AQP8: variants seen among roughly 807,000 people sequenced by gnomAD.
The protein encoded by AQP8 is aquaporin 8.
AQP8 carries 14 observed loss-of-function variants against 26.1 expected under a neutral mutation model. That is an observed-to-expected ratio of 0.54 (90% CI 0.35 to 0.84). The LOEUF (loss-of-function observed/expected upper bound fraction) is 0.84, where lower values mean the gene tolerates loss of function less well. Among genes scored for constraint, AQP8 ranks in the 40% least tolerant of loss-of-function variants. The pLI is 0.01. For synonymous variants in AQP8, 131 were observed against 150.7 expected (o/e 0.87, Z 0.96); for missense variants, 301 against 340.5 (o/e 0.88, Z 0.91).
chr16:25,221,586 G>A lies in AQP8; in HGVS notation c.387+3G>A. On this transcript the variant is annotated splice_donor_region_variant and intron_variant, in intron 3 of 5. Transcript: ENST00000219660. Reference sequence around the variant, plus strand: ...TGCTCGGGGCTGCCTTGGCCAAGGTGGGTAAACCCCAGGGGCTGGGCTAGT... The same window carrying A: ...TGCTCGGGGCTGCCTTGGCCAAGGTAGGTAAACCCCAGGGGCTGGGCTAGT... The A allele has an allele frequency of 6.2e-7, 1 of 1,613,804 alleles. No homozygotes were observed. The highest frequency in any genetic ancestry group is 1.1e-5 in the South Asian group (1 of 91,048).
intron 5 of AQP8, 113 bp downstream of exon 5, chr16:25,227,315 G>A (rs1962649370): frequency 4.2e-6 from 6 of 1,423,562 alleles, no homozygotes; most frequent in Admixed American, 2.1e-5. Flanking sequence ...GAGAAAAGAG[G>A]GAGCCTCTTT....
chr16:25,218,161 G>A (rs930972351), intron 2 of AQP8, among the ~76,000 whole-genome samples: 4 of 152,228 alleles, frequency 2.6e-5, no homozygotes, highest in Admixed American at 2.6e-4. Context: ...AGAATTAAAT[G>A]AAGTAGAGCG....
At chr16:25,219,108 A>G (rs929851423) in intron 2 of AQP8, among the ~76,000 whole-genome samples, 5 of 151,352 alleles carry the variant, frequency 3.3e-5, no homozygotes, top group African/African-American at 1.2e-4. Flanking sequence ...TTTGAATGCT[A>G]ACTACATAGA....
intron 3 of AQP8, among the ~76,000 whole-genome samples, chr16:25,223,203 C>T (rs1031469779): frequency 5.3e-5 from 8 of 152,228 alleles, no homozygotes; most frequent in Non-Finnish European, 8.8e-5. Flanking sequence ...GTAAGCAGCA[C>T]AGCCCCGACT....
Position 25,224,429 on chromosome 16 carries a change from G to A in AQP8, c.455G>A (p.Gly152Glu), listed in dbSNP as rs774706475. Residue 152 changes from glycine to glutamate, a missense_variant, in exon 4 of 6, where the codon GGG becomes GAG. Coordinates refer to ENST00000219660, the MANE Select transcript of AQP8 (RefSeq NM_001169.3). ...GAAFVTVQEQ[G>E]QVAGALVAEI... ...GCCTTTGTGACAGTCCAGGAGCAGG[G>A]GCAGGTGGCAGGGGCGTTGGTGGCA... 6 of 1,614,192 alleles carry A rather than the reference G, an allele frequency of 3.7e-6. No homozygotes were observed. The Admixed American group carries it at 1.0e-4, about 27-fold the overall frequency.
At position 25,227,112 on chromosome 16, in the gene AQP8, G is replaced by A; in HGVS notation, c.647G>A (p.Gly216Glu). The A allele has an allele frequency of 6.2e-7, 1 of 1,614,162 alleles. No individual in the cohort carries two copies. The highest frequency in any genetic ancestry group is 8.5e-7 in the Non-Finnish European group (1 of 1,180,034). Reference protein sequence around the residue: ...GGCMNPARAFGPAVVANHWNF... With the variant: ...GGCMNPARAFEPAVVANHWNF... ...TGCATGAATCCCGCCCGTGCTTTTGGACCTGCGGTGGTGGCCAACCACTGG... is the reference window on the plus strand; with the variant it reads ...TGCATGAATCCCGCCCGTGCTTTTGAACCTGCGGTGGTGGCCAACCACTGG... The change falls in exon 5 of 6, where the codon GGA becomes GAA. Residue 216 changes from glycine (G) to glutamate (E), a missense_variant. Gly to Glu is a moderately conservative substitution (Grantham distance 98). Coordinates refer to ENST00000219660, the MANE Select transcript of AQP8 (RefSeq NM_001169.3).
At chr16:25,221,235 G>A (rs1303801824) in intron 2 of AQP8, among the ~76,000 whole-genome samples, 1 of 152,158 alleles carries the variant, frequency 6.6e-6, no homozygotes, top group African/African-American at 2.4e-5. Context: ...CATCCTGGGG[G>A]CTGGGCTTTG....
chr16:25,219,346 C>T (rs2047777898), intron 2 of AQP8, among the ~76,000 whole-genome samples: 1 of 151,200 alleles, frequency 6.6e-6, no homozygotes, highest in Non-Finnish European at 1.5e-5. Flanking sequence ...TATTCAGCAC[C>T]TATTGCGTGC....
At position 25,228,334 on chromosome 16, in the gene AQP8, T is replaced by G. The variant is rs914994996; in HGVS notation, c.738-110T>G. The stretch of plus-strand genomic sequence containing the variant: ...TGCAAGGGGATCTGGCTATTAAGGC[T>G]GGGGAGGCTCAGGAAGTCATCTTTC... On this transcript the variant is annotated intron_variant, in intron 5 of 5. Transcript: ENST00000219660. The G allele has an allele frequency of 2.0e-4, 188 of 944,922 alleles. 1 individual carries two copies. The highest frequency in any genetic ancestry group is 3.0e-4 in the Non-Finnish European group (173 of 583,204). The allele number at this position is 944,922 out of a possible 1,614,324, so 58.5% of individuals were successfully genotyped here. A position where few individuals can be genotyped will look rare whatever the true frequency, so the allele number is the denominator to read the frequency against.
At chr16:25,218,753 A>G (rs1465386914) in intron 2 of AQP8, among the ~76,000 whole-genome samples, 1 of 142,998 alleles carries the variant, frequency 7.0e-6, no homozygotes, top group Non-Finnish European at 1.6e-5. Flanking sequence ...GGGGGCAGGC[A>G]CCTGTGGTCC....
At chr16:25,223,837 T>C (rs938599823) in intron 3 of AQP8, among the ~76,000 whole-genome samples, 1 of 151,942 alleles carries the variant, frequency 6.6e-6, no homozygotes, top group Non-Finnish European at 1.5e-5. Context: ...TTTCTTTTTT[T>C]TTTTTTTGAG....
At position 25,222,678 on chromosome 16, in the gene AQP8, T is replaced by TG. The variant is rs993454473; in HGVS notation, c.387+1101dup. Among the ~76,000 whole-genome samples, 16 of 150,176 alleles carry TG rather than the reference T, an allele frequency of 1.1e-4. No homozygotes were observed. The South Asian group carries it at 1.5e-3, about 14-fold the overall frequency. Reference sequence around the variant, plus strand: ...ATGTGGGCCTTGCTTGGTGTGTGTGTGGGGGGTGGTGGATGGGGGAGCTCT... The same window carrying TG: ...ATGTGGGCCTTGCTTGGTGTGTGTGTGGGGGGGTGGTGGATGGGGGAGCTCT... On this transcript the variant is annotated intron_variant, in intron 3 of 5. Coordinates refer to ENST00000219660, the MANE Select transcript of AQP8 (RefSeq NM_001169.3).
chr16:25,216,982 C>T lies in AQP8; in HGVS notation c.-64C>T, dbSNP rs2141750238. 1 of 1,609,700 alleles carries T rather than the reference C, an allele frequency of 6.2e-7. No homozygotes were observed. Among genetic ancestry groups the T allele is most frequent in the East Asian group, 2.2e-5 (1 of 44,842 alleles). On this transcript the variant is annotated 5_prime_UTR_variant, in exon 1 of 6. Coordinates refer to ENST00000219660, the MANE Select transcript of AQP8 (RefSeq NM_001169.3). ...GTCCCTAGGAGATAAGAGTATCTTG[C>T]ACAGCAGGTGCAGGTTTCCCAGCAG...
intron 3 of AQP8, among the ~76,000 whole-genome samples, chr16:25,222,179 C>T (rs1234521771): frequency 1.4e-4 from 21 of 152,124 alleles, no homozygotes; most frequent in Non-Finnish European, 1.2e-4. Context: ...GATCCTCCTG[C>T]CTCAGCCTCT....
chr16:25,217,818 A>G (rs1433293675), intron 2 of AQP8, among the ~76,000 whole-genome samples: 1 of 151,740 alleles, frequency 6.6e-6, no homozygotes, highest in Non-Finnish European at 1.5e-5. Context: ...ATGAGACACC[A>G]TGCCTGGCTG....
chr16:25,217,103 G>A, intron 1 of AQP8, 46 bp downstream of exon 1: 1 of 1,613,838 alleles, frequency 6.2e-7, no homozygotes, highest in Non-Finnish European at 8.5e-7. Flanking sequence ...GCAGAGCAAG[G>A]GGGGCTGTGA....
At chr16:25,227,625 A>G (rs1962652908) in intron 5 of AQP8, among the ~76,000 whole-genome samples, 1 of 152,016 alleles carries the variant, frequency 6.6e-6, no homozygotes, top group Non-Finnish European at 1.5e-5. Flanking sequence ...AGCAGCTGGG[A>G]CTACAGGCGC....
intron 3 of AQP8, among the ~76,000 whole-genome samples, chr16:25,222,682 G>A (rs1022763789): frequency 2.0e-5 from 3 of 152,050 alleles, no homozygotes; most frequent in East Asian, 3.9e-4. Context: ...TGTGTGTGGG[G>A]GGTGGTGGAT....
intron 4 of AQP8, among the ~76,000 whole-genome samples, chr16:25,224,991 C>T (rs1962612695): frequency 6.6e-6 from 1 of 152,156 alleles, no homozygotes; most frequent in African/African-American, 2.4e-5. Context: ...AGACTCCCAG[C>T]AGGCTTTGGA....
Sources: allele counts gnomAD v4.1 joint callset (sites outside exome capture counted in the v4.1 genomes callset), GRCh38; gene constraint gnomAD v4.1.1; transcripts MANE v1.5; gene names NCBI Gene and HGNC (gene_info 2026-07-23, HGNC 2026-07-21).